The following ITGB5 variants were observed in gnomAD, a reference collection of about 807,000 sequenced individuals.
The protein encoded by ITGB5 is integrin subunit beta 5.
Under a neutral mutation model 84.8 loss-of-function variants are expected in ITGB5, and 38 were observed. The observed-to-expected ratio is 0.45, with a 90% confidence interval of 0.35 to 0.59. The LOEUF (loss-of-function observed/expected upper bound fraction) is 0.59. ITGB5 is among the 20% of genes least tolerant of loss of function. The pLI, the probability that ITGB5 is intolerant of heterozygous loss-of-function variation, is 0.01. For synonymous variants in ITGB5, 393 were observed against 414.4 expected (o/e 0.95, Z 0.63); for missense variants, 905 against 1,034.5 (o/e 0.87, Z 1.72).
At chr3:124,799,277 T>C (rs1395370215) in intron 9 of ITGB5, among the ~76,000 whole-genome samples, 2 of 152,076 alleles carry the variant, frequency 1.3e-5, no homozygotes, top group Non-Finnish European at 1.5e-5. Context: ...AGGATGGGCG[T>C]AGTGGCTCAC....
intron 10 of ITGB5, 30 bp downstream of exon 10, chr3:124,796,358 A>C (rs2064223320): frequency 6.4e-7 from 1 of 1,568,752 alleles, no homozygotes; most frequent in Non-Finnish European, 8.7e-7. Context: ...GGCCTGGCTC[A>C]GAGCTAAAGT....
intron 5 of ITGB5, among the ~76,000 whole-genome samples, chr3:124,836,957 A>T (rs2064943211): frequency 6.6e-6 from 1 of 152,262 alleles, no homozygotes; most frequent in Admixed American, 6.5e-5. Flanking sequence ...TCTAAAGAAT[A>T]CAAAGGATAA....
intron 8 of ITGB5, among the ~76,000 whole-genome samples, chr3:124,811,022 T>G (rs1448619497): frequency 6.6e-6 from 1 of 152,218 alleles, no homozygotes; most frequent in African/African-American, 2.4e-5. Context: ...GAAAATACTT[T>G]CTGTAAAAAA....
chr3:124,764,156 G>A (rs562900142), intron 14 of ITGB5, among the ~76,000 whole-genome samples: 3 of 152,268 alleles, frequency 2.0e-5, no homozygotes, highest in Non-Finnish European at 4.4e-5. Context: ...CACGCCCAGC[G>A]CCTCTGCCCC....
In ITGB5 at chr3:124,835,457, G is replaced by A. The variant is rs554880533; in HGVS notation, c.780+5926C>T. Among the ~76,000 whole-genome samples, 7 of 152,366 alleles carry A rather than the reference G, an allele frequency of 4.6e-5. No homozygotes were observed. The South Asian group carries it at 8.3e-4, about 18-fold the overall frequency. ...GCAGAGGGTCTGCACACCTGCATGC[G>A]CAATGCCCAGAGAAATCCAATACTT... On this transcript the variant is annotated intron_variant, in intron 5 of 14. Coordinates refer to ENST00000296181, the MANE Select transcript of ITGB5 (RefSeq NM_002213.5).
intron 2 of ITGB5, among the ~76,000 whole-genome samples, chr3:124,868,047 T>A (rs972052023): frequency 1.3e-5 from 2 of 152,148 alleles, no homozygotes; most frequent in Non-Finnish European, 2.9e-5. Context: ...GATAGTTTCA[T>A]AAGGGGCTCT....
intron 7 of ITGB5, among the ~76,000 whole-genome samples, chr3:124,818,531 T>G (rs113166110): frequency 0.16 from 14,540 of 88,762 alleles, 1,174 homozygotes; most frequent in South Asian, 0.25. Flanking sequence ...TTTTTTTTTT[T>G]GCGACAGAAT....
At chr3:124,796,339 C>A in intron 10 of ITGB5, 49 bp downstream of exon 10, 1 of 1,512,332 alleles carries the variant, frequency 6.6e-7, no homozygotes, top group Non-Finnish European at 9.0e-7. Context: ...GGTGTCCTAA[C>A]GGCATCTTGG....
At chr3:124,842,587 C>T (rs1009859781) in intron 4 of ITGB5, among the ~76,000 whole-genome samples, 8 of 152,046 alleles carry the variant, frequency 5.3e-5, no homozygotes, top group Admixed American at 2.6e-4. Flanking sequence ...TGAGGATGGG[C>T]GAGGAGGAGC....
intron 1 of ITGB5, among the ~76,000 whole-genome samples, chr3:124,886,599 G>A (rs1428495544): frequency 2.0e-5 from 3 of 151,994 alleles, no homozygotes; most frequent in African/African-American, 4.8e-5. Context: ...CCAACGGAGA[G>A]CCCGGGCCCC....
chr3:124,776,743 A>G (rs1428189800), intron 10 of ITGB5, among the ~76,000 whole-genome samples: 5 of 152,242 alleles, frequency 3.3e-5, no homozygotes, highest in Non-Finnish European at 7.3e-5. Flanking sequence ...AGCAACAAAG[A>G]TGGCACAGAG....
chr3:124,818,148 C>A (rs2064635824), intron 7 of ITGB5, among the ~76,000 whole-genome samples: 1 of 152,156 alleles, frequency 6.6e-6, no homozygotes, highest in Non-Finnish European at 1.5e-5. Context: ...GCAACTTTTC[C>A]AAGGGTCTCA....
At chr3:124,840,944 G>A (rs1177809547) in intron 5 of ITGB5, among the ~76,000 whole-genome samples, 2 of 152,234 alleles carry the variant, frequency 1.3e-5, no homozygotes, top group African/African-American at 2.4e-5. Context: ...GATTACAGGC[G>A]TGAGCCACCA....
intron 4 of ITGB5, among the ~76,000 whole-genome samples, chr3:124,844,099 A>T (rs910053183): frequency 2.0e-5 from 3 of 151,864 alleles, no homozygotes; most frequent in Non-Finnish European, 4.4e-5. Context: ...GTAATTTAAA[A>T]TTTTTTAATA....
intron 5 of ITGB5, among the ~76,000 whole-genome samples, chr3:124,841,112 T>G (rs2065004770): frequency 6.6e-6 from 1 of 152,204 alleles, no homozygotes; most frequent in Non-Finnish European, 1.5e-5. Context: ...AATGTATAAA[T>G]GCAGACAGCT....
At chr3:124,898,220 T>TA in intron 1 of ITGB5, among the ~76,000 whole-genome samples, 1 of 149,102 alleles carries the variant, frequency 6.7e-6, no homozygotes, top group South Asian at 2.1e-4. Context: ...TTTGAGGTCT[T>TA]TTTTTTTTTT....
At chr3:124,784,935 G>A (rs565125449) in intron 10 of ITGB5, among the ~76,000 whole-genome samples, 1 of 152,310 alleles carries the variant, frequency 6.6e-6, no homozygotes, top group Admixed American at 6.5e-5. Flanking sequence ...CCCCAGGCTG[G>A]CCACTGTTCA....
rs113633976 is a variant in ITGB5 at position 124,880,981 on chromosome 3, A to AGTTTGTTT, written c.70+5942_70+5949dup. ...AGAAAAGAAAAAGTACATATGTAAA[A>AGTTTGTTT]GTTTGTTTGTTTGTTTGTTTGTTTG... is the stretch of plus-strand genomic sequence containing the variant. On this transcript the variant is annotated intron_variant, in intron 1 of 14. Transcript: ENST00000296181. Among the ~76,000 whole-genome samples the AGTTTGTTT allele has an allele frequency of 6.8e-3, 1,008 of 147,924 alleles. 8 individuals are homozygous for AGTTTGTTT. Among genetic ancestry groups the AGTTTGTTT allele is most frequent in the African/African-American group, 0.025 (938 of 38,156 alleles).
rs368213828 is a variant in ITGB5, at chr3:124,796,718, C to T, written c.1363G>A (p.Val455Met). The change falls in exon 10 of 15, where the codon GTG (valine) becomes ATG (methionine). Residue 455 changes from valine to methionine, a missense_variant. Coordinates refer to ENST00000296181, the MANE Select transcript of ITGB5 (RefSeq NM_002213.5). Reference protein sequence around the residue: ...RPVGFRDSLEVGVTYNCTCGC... With the variant: ...RPVGFRDSLEMGVTYNCTCGC... The stretch of plus-strand genomic sequence containing the variant: ...CACGTGCAGTTGTAGGTGACCCCCA[C>T]CTCCAGGCTGTCCCGGAATCCCACC... 2 of 1,614,042 alleles carry T rather than the reference C, an allele frequency of 1.2e-6. No individual in the cohort carries two copies. Among genetic ancestry groups the T allele is most frequent in the African/African-American group, 2.7e-5 (2 of 74,950 alleles).
Sources: allele counts gnomAD v4.1 joint callset (sites outside exome capture counted in the v4.1 genomes callset), GRCh38; gene constraint gnomAD v4.1.1; transcripts MANE v1.5; gene names NCBI Gene and HGNC (gene_info 2026-07-23, HGNC 2026-07-21).